The following TRIQK variants were observed in gnomAD, a reference collection of about 807,000 sequenced individuals.
TRIQK encodes triple QxxK/R motif containing, also known as triple QxxK/R motif-containing protein.
A neutral mutation model predicts 10.8 loss-of-function variants in TRIQK; 10 were observed. That is an observed-to-expected ratio of 0.92 (90% CI 0.57 to 1.57). The LOEUF (loss-of-function observed/expected upper bound fraction) is 1.57. TRIQK is among the 40% of genes most tolerant of loss of function. TRIQK has a pLI of 0.00. For missense variants in TRIQK, 107 were observed against 97.7 expected, an observed-to-expected ratio of 1.09 and a Z score of -0.40; for synonymous variants, 33 against 33.7, an observed-to-expected ratio of 0.98 and a Z score of 0.07.
chr8:92,949,006 A>T (rs1811692937), intron 2 of TRIQK, among the ~76,000 whole-genome samples: 1 of 152,168 alleles, frequency 6.6e-6, no homozygotes, highest in African/African-American at 2.4e-5. Flanking sequence ...ACCAGGCTCA[A>T]ATGAGGCAAA....
chr8:92,979,648 A>G (rs904620526), intron 1 of TRIQK, among the ~76,000 whole-genome samples: 1 of 151,990 alleles, frequency 6.6e-6, no homozygotes, highest in Non-Finnish European at 1.5e-5. Flanking sequence ...ATTTTTCTAC[A>G]TTCAGGTCAT....
At chr8:92,927,829 C>T (rs1810518157) in intron 2 of TRIQK, 1 of 152,024 alleles carries the variant, frequency 6.6e-6, no homozygotes, top group African/African-American at 2.4e-5. Flanking sequence ...CACTAAGGAG[C>T]TGGGCTTCTT....
intron 2 of TRIQK, among the ~76,000 whole-genome samples, chr8:92,924,554 T>C (rs995259961): frequency 6.6e-6 from 1 of 151,982 alleles, no homozygotes; most frequent in African/African-American, 2.4e-5. Flanking sequence ...ACAAGAGTCA[T>C]CTCTGAGTAA....
chr8:92,997,265 T>G (rs1194888598), intron 1 of TRIQK, among the ~76,000 whole-genome samples: 2 of 152,034 alleles, frequency 1.3e-5, no homozygotes, highest in South Asian at 4.1e-4. Flanking sequence ...AGACTGTGCA[T>G]AGGAACAAGG....
Position 92,989,068 on chromosome 8 carries a change from C to T in TRIQK, c.-181+28541G>A, listed in dbSNP as rs74753087. 2.0e-4 allele frequency among the ~76,000 whole-genome samples: 31 copies of T among 152,158 alleles called. No individual in the cohort carries two copies. The East Asian group carries it at 6.0e-3, about 29-fold the overall frequency. On this transcript the variant is annotated intron_variant, in intron 1 of 4. Coordinates refer to the TRIQK transcript ENST00000520686. ...TAAATCAGATAGCCATTGACAAACC[C>T]TGTAGACATGAGAATTTAATATGTG...
At chr8:92,959,846 T>C (rs2130705960) in intron 1 of TRIQK, among the ~76,000 whole-genome samples, 1 of 151,926 alleles carries the variant, frequency 6.6e-6, no homozygotes, top group East Asian at 1.9e-4. Context: ...TACGTAAGAG[T>C]GGTTTTCTGT....
chr8:92,941,460 AG>A (rs1202364114), intron 2 of TRIQK, among the ~76,000 whole-genome samples: 1 of 152,188 alleles, frequency 6.6e-6, no homozygotes, highest in Non-Finnish European at 1.5e-5. Flanking sequence ...CTAAGAAATA[AG>A]TTTAGAGCAA....
chr8:92,939,041 A>G (rs1811140133), intron 2 of TRIQK, among the ~76,000 whole-genome samples: 1 of 152,184 alleles, frequency 6.6e-6, no homozygotes, highest in South Asian at 2.1e-4. Flanking sequence ...AGTAATTTTT[A>G]CCAGATAATG....
At position 92,957,150 on chromosome 8, in the gene TRIQK, T is replaced by C. The variant is rs569946225; in HGVS notation, c.-180-2586A>G. On this transcript the variant is annotated intron_variant, in intron 1 of 4. Transcript: ENST00000521988. ...TCTCTTTCCTCTATGTATTAGAGTA[T>C]GTTCAGACCACTCACCAGAACTACA... 5.9e-5 allele frequency among the ~76,000 whole-genome samples: 9 copies of C among 151,956 alleles called. No homozygotes were observed. The East Asian group carries it at 1.7e-3, about 29-fold the overall frequency.
intron 3 of TRIQK, among the ~76,000 whole-genome samples, chr8:92,898,668 T>C (rs1371025938): frequency 6.6e-6 from 1 of 151,740 alleles, no homozygotes. Context: ...TTTCATTCAT[T>C]TACAATTTTT....
intron 2 of TRIQK, among the ~76,000 whole-genome samples, chr8:92,939,834 C>T (rs566069516): frequency 6.6e-6 from 1 of 152,188 alleles, no homozygotes; most frequent in Non-Finnish European, 1.5e-5. Flanking sequence ...GGGAAGCAAA[C>T]CCTCATCATG....
chr8:92,966,621 T>A (rs1404238665), upstream of TRIQK, among the ~76,000 whole-genome samples: 2 of 152,194 alleles, frequency 1.3e-5, no homozygotes, highest in Admixed American at 1.3e-4. Context: ...GTACTCAATT[T>A]TCACATCTAC....
At chr8:92,889,163 G>C (rs1406260067) in intron 4 of TRIQK, among the ~76,000 whole-genome samples, 3 of 151,600 alleles carry the variant, frequency 2.0e-5, no homozygotes, top group Non-Finnish European at 3.0e-5. Context: ...ATTGCTAACT[G>C]TTCCCTTAAA....
chr8:92,998,458 G>A (rs993759178), intron 1 of TRIQK, among the ~76,000 whole-genome samples: 2 of 151,964 alleles, frequency 1.3e-5, no homozygotes, highest in Admixed American at 1.3e-4. Flanking sequence ...TAAGAGATTA[G>A]TGTTAGCACA....
At chr8:92,954,098 A>T (rs1812051664) in intron 2 of TRIQK, 1 of 151,994 alleles carries the variant, frequency 6.6e-6, no homozygotes, top group Admixed American at 6.6e-5. Context: ...AAGACAGACC[A>T]AGCATTTAAT....
chr8:92,994,800 A>G (rs1813136015), intron 1 of TRIQK, among the ~76,000 whole-genome samples: 2 of 151,976 alleles, frequency 1.3e-5, no homozygotes, highest in Non-Finnish European at 2.9e-5. Flanking sequence ...TAAATCCCTT[A>G]GAACACTTTT....
In TRIQK at chr8:92,891,229, T is replaced by C. The variant is rs536252351; in HGVS notation, c.147+760A>G. 9.2e-5 allele frequency among the ~76,000 whole-genome samples: 14 copies of C among 151,992 alleles called. No homozygotes were observed. The East Asian group carries it at 2.5e-3, about 27-fold the overall frequency. On this transcript the variant is annotated intron_variant, in intron 4 of 4. Coordinates refer to ENST00000521988, the MANE Select transcript of TRIQK (RefSeq NM_001171797.2). ...TGCTGTAAGCTATAACTTAGAAAAA[T>C]TGATTTTTCATCTGCCAGATAAAAC... is the stretch of plus-strand genomic sequence containing the variant.
chr8:92,886,723 C>T lies in TRIQK; in HGVS notation c.160G>A (p.Val54Ile). Reference protein sequence around the residue: ...TAIGIKEVGLVLAAILALLLA... With the variant: ...TAIGIKEVGLILAAILALLLA... ...AGTAGTGCCAATATAGCTGCAAGTA[C>T]AAGGCCAACTTCCTGGGAAGAAAAA... The change falls in exon 5 of 5, where the codon GTA becomes ATA. Residue 54 changes from valine to isoleucine, a missense_variant. Physicochemically the swap from Val to Ile is conservative, Grantham distance 29 (BLOSUM62 3). Coordinates refer to ENST00000521988, the MANE Select transcript of TRIQK (RefSeq NM_001171797.2). 5 of 1,528,318 alleles carry T rather than the reference C, an allele frequency of 3.3e-6. No homozygotes were observed. Among genetic ancestry groups the T allele is most frequent in the Non-Finnish European group, 4.4e-6 (5 of 1,140,468 alleles). The allele number at this position is 1,528,318 out of a possible 1,614,324, so 94.7% of individuals were successfully genotyped here. A position where few individuals can be genotyped will look rare whatever the true frequency, so the allele number is the denominator to read the frequency against.
chr8:92,985,358 C>A (rs1437824123), intron 1 of TRIQK, among the ~76,000 whole-genome samples: 3 of 152,168 alleles, frequency 2.0e-5, no homozygotes. Flanking sequence ...TTCTCCTTTC[C>A]TCATGAATTC....
Sources: allele counts gnomAD v4.1 joint callset (sites outside exome capture counted in the v4.1 genomes callset), GRCh38; gene constraint gnomAD v4.1.1; transcripts MANE v1.5; gene names NCBI Gene and HGNC (gene_info 2026-07-23, HGNC 2026-07-21).